Variants in RIF1 observed in about 807,000 individuals in gnomAD.
RIF1 encodes the protein telomere-associated protein RIF1.
In RIF1, 45 loss-of-function variants were observed where a neutral mutation model predicts 247.1. That is an observed-to-expected ratio of 0.18 (90% CI 0.14 to 0.23). RIF1 has a LOEUF of 0.23. Ranked by LOEUF, RIF1 falls within the 10% of genes least tolerant of loss-of-function variation. The pLI is 1.00. For synonymous variants in RIF1, 1,087 were observed against 978.8 expected, an observed-to-expected ratio of 1.11 and a Z score of -2.06; for missense variants, 2,967 against 2,862.5, an observed-to-expected ratio of 1.04 and a Z score of -0.83.
In RIF1 at chr2:151,506,223, A is replaced by G; in HGVS notation, c.*875A>G. The G allele has an allele frequency of 6.2e-7, 1 of 1,613,768 alleles. No individual in the cohort carries two copies. The highest frequency in any genetic ancestry group is 8.5e-7 in the Non-Finnish European group (1 of 1,179,652). ...TCATCATCTCAGGTGTCTTTCCGAT[A>G]GCCGTTCCTGGTGAGACATCCTCTT... On this transcript the variant is annotated 3_prime_UTR_variant and NMD_transcript_variant, in exon 13 of 14. Transcript: ENST00000454583.
chr2:151,516,399 A>C, the RIF1 span: 40 of 1,178,406 alleles, frequency 3.4e-5, no homozygotes, highest in Non-Finnish European at 4.9e-5. Flanking sequence ...TGTCATGGGC[A>C]GAGCTTGTGT....
At chr2:151,507,197 A>G (rs923413110) in intron 13 of RIF1, 3 of 545,238 alleles carry the variant, frequency 5.5e-6, no homozygotes, top group Admixed American at 3.4e-5. Context: ...ACTAATTTTA[A>G]AAAACATATA....
rs558033751 is a variant in RIF1, at chr2:151,492,551, C to T, written c.*416-2678C>T. On this transcript the variant is annotated intron_variant and NMD_transcript_variant, in intron 9 of 13. Transcript: ENST00000454583. The stretch of plus-strand genomic sequence containing the variant: ...CTGTCCTAAATCTGAAACCTCAAAG[C>T]CTTTCCAGCAGATAGAGATGGATAG... The T allele has an allele frequency of 3.0e-6, 4 of 1,319,478 alleles. No individual in the cohort carries two copies. The African/African-American group carries it at 5.8e-5, about 19-fold the overall frequency. 81.7% of individuals were successfully genotyped at this position (1,319,478 alleles called of 1,614,324 possible). A position where few individuals can be genotyped will look rare whatever the true frequency, so the allele number is the denominator to read the frequency against.
chr2:151,491,694 T>G (rs1403575357), intron 9 of RIF1: 2 of 1,592,208 alleles, frequency 1.3e-6, no homozygotes, highest in Admixed American at 1.8e-5. Context: ...ATTAATCATG[T>G]GTAAGCTTCG....
chr2:151,528,296 C>T, the RIF1 span, among the ~76,000 whole-genome samples: 2 of 152,224 alleles, frequency 1.3e-5, no homozygotes, highest in Non-Finnish European at 2.9e-5. Flanking sequence ...TTTCTTTCCT[C>T]ATTCTTTCTC....
chr2:151,473,840 G>C (rs1211533803), intron 34 of RIF1, 124 bp from the exon 35 acceptor site: 1 of 661,088 alleles, frequency 1.5e-6, no homozygotes, highest in African/African-American at 1.9e-5. Flanking sequence ...AATTGTGATG[G>C]GTGGTAGAAC....
chr2:151,462,885 A>T lies in RIF1; in HGVS notation c.3365A>T (p.Glu1122Val). The T allele has an allele frequency of 6.3e-7, 1 of 1,585,972 alleles. No individual in the cohort carries two copies. The highest frequency in any genetic ancestry group is 8.6e-7 in the Non-Finnish European group (1 of 1,166,096). Residue 1122 changes from glutamate (E) to valine (V), a missense_variant and splice_region_variant, in exon 30 of 36, where the codon GAG (glutamate) becomes GTG (valine). Glu to Val is a moderately radical substitution (Grantham distance 121). Around this residue, in one of 7 missense-constraint regions of RIF1, gnomAD observed 2,028 missense variants for 1,825.6 expected, o/e 1.11. Transcript: ENST00000444746. ...PKEDSKMMITEEQMDSDIVIP... is the reference protein window; with the variant it reads ...PKEDSKMMITVEQMDSDIVIP... ...ATATATGTATATATTTCTGTGCAGG[A>T]GGAGCAAATGGACAGTGACATTGTC...
At chr2:151,415,345 C>CA (rs34015306) in intron 4 of RIF1, among the ~76,000 whole-genome samples, 49,759 of 136,288 alleles carry the variant, frequency 0.37, 8,815 homozygotes, top group South Asian at 0.45. Context: ...GACCCCATCT[C>CA]AAAAAAAAAA....
rs190139509 is a variant in RIF1, at chr2:151,444,070, C to T, written c.1986+361C>T. On this transcript the variant is annotated intron_variant, in intron 18 of 35. Coordinates refer to ENST00000444746, the MANE Select transcript of RIF1 (RefSeq NM_018151.5). ...CATAGTTAAGCCACGTTGGTGATTA[C>T]CTCAAAGCCATATAGCATTTCCTTA... is the stretch of plus-strand genomic sequence containing the variant. Among the ~76,000 whole-genome samples, 393 of 152,272 alleles carry T rather than the reference C, an allele frequency of 2.6e-3. 1 individual carries two copies. The highest frequency in any genetic ancestry group is 4.4e-3 in the Non-Finnish European group (302 of 68,020).
chr2:151,511,849 G>T (rs917484798), downstream of RIF1, among the ~76,000 whole-genome samples: 1 of 151,874 alleles, frequency 6.6e-6, no homozygotes, highest in Non-Finnish European at 1.5e-5. Flanking sequence ...TCCAAATGTG[G>T]GCTACTTTGT....
chr2:151,481,825 C>G lies in RIF1; in HGVS notation c.*6754C>G, dbSNP rs2049179874. On this transcript the variant is annotated 3_prime_UTR_variant, in exon 36 of 36. Transcript: ENST00000444746. ...ACATGCAAGAGATCTAGGTTGTGCGCTCATTATGAGAATCTAATACCCGAT... is the reference window on the plus strand; with the variant it reads ...ACATGCAAGAGATCTAGGTTGTGCGGTCATTATGAGAATCTAATACCCGAT... 6.6e-6 allele frequency: 1 copy of G among 152,196 alleles called. No homozygotes were observed. Among genetic ancestry groups the G allele is most frequent in the African/African-American group, 2.4e-5 (1 of 41,444 alleles). The allele number at this position is 152,196 out of a possible 1,614,324, so 9.4% of individuals were successfully genotyped here.
chr2:151,458,841 T>G lies in RIF1; in HGVS notation c.2886T>G (p.Phe962Leu), dbSNP rs754608192. The G allele has an allele frequency of 2.5e-6, 4 of 1,612,966 alleles. No individual in the cohort carries two copies. In the Admixed American group the frequency reaches 6.7e-5, roughly 27 times the overall value. Reference protein sequence around the residue: ...KPVLTQAKQKFLLLLPGLETV... With the variant: ...KPVLTQAKQKLLLLLPGLETV... Reference sequence around the variant, plus strand: ...TACTAACACAAGCCAAACAAAAATTTCTGCTCCTGTTGCCTGGTTTGGAAA... The same window carrying G: ...TACTAACACAAGCCAAACAAAAATTGCTGCTCCTGTTGCCTGGTTTGGAAA... Residue 962 changes from phenylalanine (F) to leucine (L), a missense_variant, in exon 25 of 36, where the codon TTT becomes TTG. Transcript: ENST00000444746.
At chr2:151,532,047 A>G in the RIF1 span, 2 of 595,376 alleles carry the variant, frequency 3.4e-6, no homozygotes, top group Non-Finnish European at 5.9e-6. Flanking sequence ...TTTGTGTCTG[A>G]TAGCAAAAGT....
intron 30 of RIF1, among the ~76,000 whole-genome samples, chr2:151,466,776 T>C (rs1021421441): frequency 4.6e-5 from 7 of 152,272 alleles, no homozygotes; most frequent in Admixed American, 6.5e-5. Context: ...TGTCTTATAC[T>C]TAACAAAATA....
Position 151,465,427 on chromosome 2 carries a change from T to G in RIF1, c.5907T>G (p.Phe1969Leu). The G allele has an allele frequency of 6.2e-7, 1 of 1,613,898 alleles. No individual in the cohort carries two copies. Among genetic ancestry groups the G allele is most frequent in the Non-Finnish European group, 8.5e-7 (1 of 1,179,894 alleles). Residue 1969 changes from phenylalanine (F) to leucine (L), a missense_variant, in exon 30 of 36, where the codon TTT becomes TTG. Physicochemically the swap from Phe to Leu is conservative, Grantham distance 22. Around this residue, in one of 7 missense-constraint regions of RIF1, gnomAD observed 2,028 missense variants for 1,825.6 expected, o/e 1.11. Transcript: ENST00000444746. ...CCAAAGAAGTAGCAACTGAGGAATT[T>G]AATTCAGATATTAGTCTTTCTGATA... ...LNAKEVATEE[F>L]NSDISLSDNT... is the part of the protein sequence containing the mutation.
chr2:151,519,100 C>T, the RIF1 span: 74 of 1,380,092 alleles, frequency 5.4e-5, no homozygotes, highest in Middle Eastern at 1.1e-3. Flanking sequence ...AAGGAAATCA[C>T]GTAAATAGGA....
the RIF1 span, chr2:151,530,849 A>C: frequency 1.7e-6 from 1 of 595,310 alleles, no homozygotes; most frequent in Non-Finnish European, 3.0e-6. Context: ...TTACCGAATC[A>C]TGAGCAAAAG....
At position 151,443,583 on chromosome 2, in the gene RIF1, A is replaced by G. The variant is rs939399847; in HGVS notation, c.1860A>G (p.Ser620=). 6.2e-7 allele frequency: 1 copy of G among 1,611,496 alleles called. No individual in the cohort carries two copies. The highest frequency in any genetic ancestry group is 1.7e-5 in the Admixed American group (1 of 59,308). The change falls in exon 18 of 36, where the codon TCA becomes TCG. Residue 620 remains serine (S), a synonymous_variant. Coordinates refer to ENST00000444746, the MANE Select transcript of RIF1 (RefSeq NM_018151.5). The part of the protein sequence containing the change: ...LVGCVLSGPT[S]PLAFSDSVLN... ...GCTGTGTTCTTTCTGGTCCAACTTCACCACTAGCTTTCAGTGACTCAGTTT... is the reference window on the plus strand; with the variant it reads ...GCTGTGTTCTTTCTGGTCCAACTTCGCCACTAGCTTTCAGTGACTCAGTTT...
At chr2:151,515,701 T>C in the RIF1 span, among the ~76,000 whole-genome samples, 2 of 152,178 alleles carry the variant, frequency 1.3e-5, no homozygotes, top group Admixed American at 6.5e-5. Flanking sequence ...TAATAGAATT[T>C]TAAATTTACA....
Sources: allele counts gnomAD v4.1 joint callset (sites outside exome capture counted in the v4.1 genomes callset), GRCh38; gene constraint gnomAD v4.1.1; regional missense constraint gnomAD v4.1.1; transcripts MANE v1.5; gene names NCBI Gene and HGNC (gene_info 2026-07-23, HGNC 2026-07-21).